Variants in MSI2 observed in about 807,000 individuals in gnomAD.
MSI2 encodes the protein RNA-binding protein Musashi homolog 2.
MSI2 carries 17 observed loss-of-function variants against 45.6 expected under a neutral mutation model. The observed-to-expected ratio is 0.37, with a 90% confidence interval of 0.26 to 0.56. The LOEUF is 0.56. Among genes scored for constraint, MSI2 ranks in the 20% least tolerant of loss-of-function variants. MSI2 has a pLI of 0.77. For synonymous variants in MSI2, 156 were observed against 158.2 expected (o/e 0.99, Z 0.11); for missense variants, 293 against 444.2 (o/e 0.66, Z 3.06).
Position 57,331,038 on chromosome 17 carries a change from C to T in MSI2, c.312+68846C>T, listed in dbSNP as rs137861573. 4.8e-3 allele frequency among the ~76,000 whole-genome samples: 734 copies of T among 152,074 alleles called. 5 individuals are homozygous for T. Among genetic ancestry groups the T allele is most frequent in the Non-Finnish European group, 7.4e-3 (505 of 67,980 alleles). On this transcript the variant is annotated intron_variant, in intron 5 of 13. Transcript: ENST00000284073. ...AAGCAATTCTCCTGCCTCAGCCTCCCGAGTAGCTGGGATTACAGGCACGCA... is the reference window on the plus strand; with the variant it reads ...AAGCAATTCTCCTGCCTCAGCCTCCTGAGTAGCTGGGATTACAGGCACGCA...
intron 5 of MSI2, among the ~76,000 whole-genome samples, chr17:57,331,224 T>C (rs773508078): frequency 6.6e-6 from 1 of 152,210 alleles, no homozygotes; most frequent in Admixed American, 6.5e-5. Context: ...ATGTTCTTTG[T>C]GTCTCAGAGC....
At chr17:57,692,273 G>C in the MSI2 span, among the ~76,000 whole-genome samples, 4 of 152,004 alleles carry the variant, frequency 2.6e-5, no homozygotes, top group Non-Finnish European at 5.9e-5. Flanking sequence ...AAGGATGTTT[G>C]TGTCTATGTT....
intron 7 of MSI2, among the ~76,000 whole-genome samples, chr17:57,581,115 C>A (rs776134836): frequency 6.7e-6 from 1 of 149,022 alleles, no homozygotes; most frequent in Non-Finnish European, 1.5e-5. Flanking sequence ...CAGGTTCAAG[C>A]GATTCTCCTG....
intron 7 of MSI2, among the ~76,000 whole-genome samples, chr17:57,556,431 A>G (rs1036773672): frequency 6.6e-5 from 10 of 152,230 alleles, no homozygotes; most frequent in Admixed American, 6.5e-4. Flanking sequence ...ATCAGTTAGA[A>G]ATGTAAGAAT....
intron 6 of MSI2, among the ~76,000 whole-genome samples, chr17:57,433,130 G>A (rs1247835277): frequency 6.6e-6 from 1 of 152,134 alleles, no homozygotes; most frequent in Non-Finnish European, 1.5e-5. Context: ...TGAGACCTGT[G>A]TGGAACAACT....
chr17:57,691,735 T>C, the MSI2 span, among the ~76,000 whole-genome samples: 2 of 152,244 alleles, frequency 1.3e-5, no homozygotes, highest in Non-Finnish European at 2.9e-5. Context: ...GCAGCTTTTT[T>C]ATAGATTCAT....
intron 6 of MSI2, among the ~76,000 whole-genome samples, chr17:57,410,008 C>CAAAAAAAAAAAAAAAAA (rs59098048): frequency 1.5e-4 from 9 of 61,652 alleles, no homozygotes; most frequent in African/African-American, 4.8e-4. Context: ...ACTCTGTCTC[C>CAAAAAAAAAAAAAAAAA]AAAAAAAAAA....
chr17:57,416,655 G>T (rs1248503112), intron 6 of MSI2, among the ~76,000 whole-genome samples: 4 of 152,086 alleles, frequency 2.6e-5, no homozygotes, highest in Admixed American at 2.6e-4. Flanking sequence ...CCTTTTTGGG[G>T]GTGCTTATGC....
intron 6 of MSI2, among the ~76,000 whole-genome samples, chr17:57,402,195 G>A (rs1053784484): frequency 6.6e-6 from 1 of 152,210 alleles, no homozygotes; most frequent in Non-Finnish European, 1.5e-5. Flanking sequence ...ATGGTGCCTT[G>A]AGAGTGGGTT....
At chr17:57,699,180 A>AGTGTGTGTGT in the MSI2 span, among the ~76,000 whole-genome samples, 4 of 12,406 alleles carry the variant, frequency 3.2e-4, no homozygotes, top group African/African-American at 1.1e-3. Context: ...AGAGAGAGAG[A>AGTGTGTGTGT]GAGTGTGTGT....
At chr17:57,558,753 C>T (rs1280695620) in intron 7 of MSI2, among the ~76,000 whole-genome samples, 1 of 152,222 alleles carries the variant, frequency 6.6e-6, no homozygotes, top group African/African-American at 2.4e-5. Context: ...CTGTTTGCCT[C>T]CCATGTATCA....
chr17:57,420,317 T>C (rs1341814954), intron 6 of MSI2, among the ~76,000 whole-genome samples: 1 of 152,214 alleles, frequency 6.6e-6, no homozygotes, highest in Non-Finnish European at 1.5e-5. Context: ...AAATGAATTA[T>C]GGGCTCTCAC....
At chr17:57,678,572 G>A (rs969088766) in intron 13 of MSI2, among the ~76,000 whole-genome samples, 2 of 152,170 alleles carry the variant, frequency 1.3e-5, no homozygotes, top group African/African-American at 2.4e-5. Context: ...GGGGCTGCCT[G>A]TGCTCCCTCC....
At chr17:57,363,794 A>C (rs1300604505) in intron 5 of MSI2, among the ~76,000 whole-genome samples, 1 of 146,560 alleles carries the variant, frequency 6.8e-6, no homozygotes, top group East Asian at 1.9e-4. Flanking sequence ...ACAACAACAA[A>C]CAACAACAAC....
intron 5 of MSI2, among the ~76,000 whole-genome samples, chr17:57,316,941 A>G (rs1358303206): frequency 6.7e-6 from 1 of 149,390 alleles, no homozygotes; most frequent in Non-Finnish European, 1.5e-5. Context: ...TGAGGCAGGA[A>G]AAAAAAAAAG....
At chr17:57,392,972 C>T (rs1040813887) in intron 5 of MSI2, among the ~76,000 whole-genome samples, 33 of 152,122 alleles carry the variant, frequency 2.2e-4, no homozygotes, top group Non-Finnish European at 8.8e-5. Context: ...GATATGTGCA[C>T]CCATCACCAC....
chr17:57,414,165 T>C (rs899579224), intron 6 of MSI2, among the ~76,000 whole-genome samples: 1 of 152,228 alleles, frequency 6.6e-6, no homozygotes, highest in Non-Finnish European at 1.5e-5. Flanking sequence ...AGAGGGAATC[T>C]TGGCTTATCA....
intron 10 of MSI2, among the ~76,000 whole-genome samples, 196 bp from the exon 11 acceptor site, chr17:57,651,903 G>A (rs375935148): frequency 3.3e-5 from 5 of 152,318 alleles, no homozygotes; most frequent in South Asian, 2.1e-4. Flanking sequence ...AGAATCAAAC[G>A]CACCTAAAGA....
intron 6 of MSI2, among the ~76,000 whole-genome samples, chr17:57,504,880 G>A (rs561967045): frequency 6.7e-6 from 1 of 148,398 alleles, no homozygotes; most frequent in Admixed American, 6.7e-5. Context: ...GTGGTGAGCC[G>A]AGATCACACC....
Sources: gnomAD v4.1 joint callset for allele counts (sites outside exome capture counted in the v4.1 genomes callset) on GRCh38, gnomAD v4.1.1 for gene constraint, MANE v1.5 for transcripts, NCBI Gene and HGNC (gene_info 2026-07-23, HGNC 2026-07-21) for gene names.